RNF41: variants seen among roughly 807,000 people sequenced by gnomAD.
RNF41 encodes E3 ubiquitin-protein ligase NRDP1.
Under a neutral mutation model 33.0 loss-of-function variants are expected in RNF41, and 4 were observed. That is an observed-to-expected ratio of 0.12 (90% CI 0.06 to 0.28). The LOEUF (loss-of-function observed/expected upper bound fraction) is 0.28. RNF41 is among the 10% of genes least tolerant of loss of function. The pLI is 1.00. For missense variants in RNF41, 228 were observed against 432.6 expected (o/e 0.53, Z 4.19); for synonymous variants, 164 against 153.2 (o/e 1.07, Z -0.52).
At position 56,205,622 on chromosome 12, in the gene RNF41, G is replaced by T. The variant is rs2135797929; in HGVS notation, c.*825C>A. On this transcript the variant is annotated 3_prime_UTR_variant, in exon 7 of 7. Coordinates refer to ENST00000345093, the MANE Select transcript of RNF41 (RefSeq NM_005785.4). Reference sequence around the variant, plus strand: ...GAAATATAAACAAACAATGGCCAAAGAAAATTATCAAAGTAACTAACTACA... The same window carrying T: ...GAAATATAAACAAACAATGGCCAAATAAAATTATCAAAGTAACTAACTACA... 6.6e-6 allele frequency: 1 copy of T among 151,156 alleles called. No homozygotes were observed. The highest frequency in any genetic ancestry group is 2.5e-5 in the African/African-American group (1 of 40,568). 9.4% of individuals were successfully genotyped at this position (151,156 alleles called of 1,614,324 possible).
intron 4 of RNF41, among the ~76,000 whole-genome samples, chr12:56,209,195 C>T (rs1276374775): frequency 6.6e-6 from 1 of 152,076 alleles, no homozygotes; most frequent in Non-Finnish European, 1.5e-5. Flanking sequence ...CTGTTTTTAT[C>T]TACTGCACAG....
In RNF41 at chr12:56,219,191, A is replaced by T. The variant is rs1257593069; in HGVS notation, c.-209+2569T>A. On this transcript the variant is annotated intron_variant, in intron 1 of 6. Coordinates refer to ENST00000345093, the MANE Select transcript of RNF41 (RefSeq NM_005785.4). Reference sequence around the variant, plus strand: ...AGGCTAATTTTTATTTTATTTATTTATTTATTTATTTTTTTTTTGAGACGG... The same window carrying T: ...AGGCTAATTTTTATTTTATTTATTTTTTTATTTATTTTTTTTTTGAGACGG... 2.0e-3 allele frequency among the ~76,000 whole-genome samples: 289 copies of T among 143,608 alleles called. 2 individuals are homozygous for T. Among genetic ancestry groups the T allele is most frequent in the Non-Finnish European group, 3.0e-3 (196 of 65,420 alleles). 94.2% of individuals were successfully genotyped at this position (143,608 alleles called of 152,430 possible). A position where few individuals can be genotyped will look rare whatever the true frequency, so the allele number is the denominator to read the frequency against.
Position 56,221,786 on chromosome 12 carries a change from G to T in RNF41, c.-235C>A, listed in dbSNP as rs772147278. ...GCCCTGGAAGCGGCCTGGAGTCTCC[G>T]CAACCTGACCCAGTCGGAGCTGAGG... On this transcript the variant is annotated 5_prime_UTR_variant, in exon 1 of 7. Coordinates refer to ENST00000345093, the MANE Select transcript of RNF41 (RefSeq NM_005785.4). 2 of 152,316 alleles carry T rather than the reference G, an allele frequency of 1.3e-5. No homozygotes were observed. The highest frequency in any genetic ancestry group is 2.9e-5 in the Non-Finnish European group (2 of 68,198). 9.4% of individuals were successfully genotyped at this position (152,316 alleles called of 1,614,324 possible).
At chr12:56,210,704 G>A in intron 3 of RNF41, 136 bp from the exon 4 acceptor site, 2 of 805,874 alleles carry the variant, frequency 2.5e-6, no homozygotes, top group Non-Finnish European at 4.0e-6. Flanking sequence ...TCACAGCAAA[G>A]TATAGATCTA....
chr12:56,219,300 T>C (rs1869154608), intron 1 of RNF41, among the ~76,000 whole-genome samples: 1 of 151,694 alleles, frequency 6.6e-6, no homozygotes, highest in Non-Finnish European at 1.5e-5. Flanking sequence ...CACACCATTC[T>C]CCTGCCCCAG....
Position 56,206,485 on chromosome 12 carries a change from G to A in RNF41, c.916C>T (p.Leu306Phe). 6.2e-7 allele frequency: 1 copy of A among 1,614,004 alleles called. No individual in the cohort carries two copies. The highest frequency in any genetic ancestry group is 2.2e-5 in the East Asian group (1 of 44,880). The change falls in exon 7 of 7, where the codon CTT becomes TTT. Residue 306 changes from leucine to phenylalanine, a missense_variant. Physicochemically the swap from Leu to Phe is conservative, Grantham distance 22 (BLOSUM62 0). This residue lies in a region of RNF41 where 199 missense variants were observed against 334.6 expected (regional missense o/e 0.59). Transcript: ENST00000345093. This position sits in a 1 kb window ranked among gnomAD's most constrained non-coding sequence, Gnocchi z 5.7. ...MGDDMVQEPGLVMIFAHGVEE... is the reference protein window; with the variant it reads ...MGDDMVQEPGFVMIFAHGVEE... The stretch of plus-strand genomic sequence containing the variant: ...ACGCCATGCGCAAATATCATGACAA[G>A]GCCTGGCTCTTGCACCATGTCATCC...
chr12:56,215,605 G>A (rs994144604), intron 2 of RNF41, among the ~76,000 whole-genome samples: 1 of 151,246 alleles, frequency 6.6e-6, no homozygotes, highest in Non-Finnish European at 1.5e-5. Flanking sequence ...TGTAGTCCCA[G>A]CTACTCGGGA....
At chr12:56,210,006 C>A in intron 4 of RNF41, 4 of 400,026 alleles carry the variant, frequency 1.0e-5, no homozygotes, top group Non-Finnish European at 1.4e-5. Context: ...ACCTGACAAA[C>A]GGAAAGTAGT....
rs1216837330 is a variant in RNF41 at position 56,204,595 on chromosome 12, A to G, written c.*1852T>C. 6.5e-6 allele frequency: 1 copy of G among 152,728 alleles called. No individual in the cohort carries two copies. Among genetic ancestry groups the G allele is most frequent in the Non-Finnish European group, 1.5e-5 (1 of 68,132 alleles). 9.5% of individuals were successfully genotyped at this position (152,728 alleles called of 1,614,324 possible). ...CAGCAACCTGCAGAGACACTAGTGC[A>G]AAGGGTAGGGAAGCCTTTCACTGAG... is the stretch of plus-strand genomic sequence containing the variant. On this transcript the variant is annotated 3_prime_UTR_variant, in exon 7 of 7. Transcript: ENST00000345093.
chr12:56,221,475 C>G (rs942087161), intron 1 of RNF41: 5 of 152,550 alleles, frequency 3.3e-5, no homozygotes, highest in African/African-American at 1.2e-4. Context: ...CGCTGTTCCC[C>G]CAGTTCTGCA....
At position 56,213,031 on chromosome 12, in the gene RNF41, G is replaced by A. The variant is rs956979699; in HGVS notation, c.90+927C>T. 6 of 1,289,620 alleles carry A rather than the reference G, an allele frequency of 4.7e-6. No homozygotes were observed. The African/African-American group carries it at 9.1e-5, about 20-fold the overall frequency. The allele number at this position is 1,289,620 out of a possible 1,614,324, so 79.9% of individuals were successfully genotyped here. On this transcript the variant is annotated intron_variant, in intron 3 of 6. Coordinates refer to ENST00000345093, the MANE Select transcript of RNF41 (RefSeq NM_005785.4). ...TGAGCTTCTCCTCATACTTGCCCCA[G>A]GATGATACAACTGACTCTGGTCTGG...
At chr12:56,220,626 C>A (rs1869317518) in intron 1 of RNF41, among the ~76,000 whole-genome samples, 1 of 150,734 alleles carries the variant, frequency 6.6e-6, no homozygotes, top group Non-Finnish European at 1.5e-5. Context: ...CCCAGCTATT[C>A]AAGAGGCTGA....
intron 4 of RNF41, chr12:56,209,981 C>T (rs773659): frequency 0.91 from 307,174 of 337,204 alleles, 146,122 homozygotes; most frequent in South Asian, 1. Context: ...AGAAGGCTGG[C>T]AATTATAGCA....
At chr12:56,220,018 A>G (rs202185949) in intron 1 of RNF41, among the ~76,000 whole-genome samples, 1 of 139,298 alleles carries the variant, frequency 7.2e-6, no homozygotes, top group Non-Finnish European at 1.5e-5. Flanking sequence ...CCCTGTCTCA[A>G]AAATAAATAA....
At position 56,214,057 on chromosome 12, in the gene RNF41, C is replaced by T. The variant is rs758679879; in HGVS notation, c.-10G>A. 1.2e-5 allele frequency: 19 copies of T among 1,603,058 alleles called. No homozygotes were observed. The South Asian group carries it at 2.1e-4, about 18-fold the overall frequency. Reference sequence around the variant, plus strand: ...TTACATCATACCCCATGTCTCATCACTGAAACCCAGGTCCTGAAAGGACAA... The same window carrying T: ...TTACATCATACCCCATGTCTCATCATTGAAACCCAGGTCCTGAAAGGACAA... On this transcript the variant is annotated 5_prime_UTR_variant, in exon 3 of 7. It adds an upstream start codon to the 5' untranslated region. Coordinates refer to ENST00000345093, the MANE Select transcript of RNF41 (RefSeq NM_005785.4).
intron 4 of RNF41, 140 bp from the exon 5 acceptor site, chr12:56,208,438 T>A: frequency 1.3e-6 from 1 of 776,346 alleles, no homozygotes; most frequent in Non-Finnish European, 2.0e-6. Flanking sequence ...GCCTCCCTCT[T>A]GTTTATTCCC....
intron 1 of RNF41, among the ~76,000 whole-genome samples, chr12:56,218,715 T>A (rs1869102046): frequency 6.7e-6 from 1 of 149,262 alleles, no homozygotes; most frequent in East Asian, 1.9e-4. Context: ...ATATGTTATT[T>A]TTTTTTTGAG....
At position 56,205,800 on chromosome 12, in the gene RNF41, A is replaced by G. The variant is rs1868256402; in HGVS notation, c.*647T>C. ...CCTACCCTAAACCCTGGCATTCCCTAATTATGAAAACTTGTAGGAAAGAAG... is the reference window on the plus strand; with the variant it reads ...CCTACCCTAAACCCTGGCATTCCCTGATTATGAAAACTTGTAGGAAAGAAG... On this transcript the variant is annotated 3_prime_UTR_variant, in exon 7 of 7. Transcript: ENST00000345093. The G allele has an allele frequency of 6.5e-6, 1 of 152,706 alleles. No individual in the cohort carries two copies. Among genetic ancestry groups the G allele is most frequent in the African/African-American group, 2.4e-5 (1 of 41,438 alleles). 9.5% of individuals were successfully genotyped at this position (152,706 alleles called of 1,614,324 possible).
At position 56,205,759 on chromosome 12, in the gene RNF41, C is replaced by T. The variant is rs1868255923; in HGVS notation, c.*688G>A. On this transcript the variant is annotated 3_prime_UTR_variant, in exon 7 of 7. Transcript: ENST00000345093. ...GTAGCTTCTTGCTAAACACATCAACCCCCAACAGATTAACCCCTACCCTAA... is the reference window on the plus strand; with the variant it reads ...GTAGCTTCTTGCTAAACACATCAACTCCCAACAGATTAACCCCTACCCTAA... 6.6e-6 allele frequency: 1 copy of T among 152,640 alleles called. No individual in the cohort carries two copies. The highest frequency in any genetic ancestry group is 2.1e-4 in the South Asian group (1 of 4,824). The allele number at this position is 152,640 out of a possible 1,614,324, so 9.5% of individuals were successfully genotyped here. A position where few individuals can be genotyped will look rare whatever the true frequency, so the allele number is the denominator to read the frequency against.
Sources: gnomAD v4.1 joint callset for allele counts (sites outside exome capture counted in the v4.1 genomes callset) on GRCh38, gnomAD v4.1.1 for gene constraint, gnomAD v4.1.1 regional missense constraint, Gnocchi (gnomAD v3.1) non-coding constraint, MANE v1.5 for transcripts, NCBI Gene and HGNC (gene_info 2026-07-23, HGNC 2026-07-21) for gene names.